The following FARS2 variants were observed in gnomAD, a reference collection of about 807,000 sequenced individuals.
The protein encoded by FARS2 is phenylalanine--tRNA ligase, mitochondrial.
In FARS2, 40 loss-of-function variants were observed where a neutral mutation model predicts 46.4. The observed-to-expected ratio is 0.86, with a 90% confidence interval of 0.67 to 1.12. FARS2 has a LOEUF of 1.12. FARS2 is among the 50% of genes most tolerant of loss of function. The pLI is 0.00. For synonymous variants in FARS2, 234 were observed against 214.9 expected, an observed-to-expected ratio of 1.09 and a Z score of -0.78; for missense variants, 513 against 567.9, an observed-to-expected ratio of 0.90 and a Z score of 0.98.
rs58875741 is a variant in FARS2, at chr6:5,717,351, A to ATGTGTGTGTGTGTGTG, written c.1218-53916_1218-53901dup. On this transcript the variant is annotated intron_variant, in intron 6 of 6. Coordinates refer to ENST00000274680, the MANE Select transcript of FARS2 (RefSeq NM_006567.5). ...CGTGGATAGAAACATAGATATGTAT[A>ATGTGTGTGTGTGTGTG]TGTGTGTGTGTGTGTGTGTGTGTGT... Among the ~76,000 whole-genome samples the ATGTGTGTGTGTGTGTG allele has an allele frequency of 2.8e-3, 398 of 141,736 alleles. 2 individuals are homozygous for ATGTGTGTGTGTGTGTG. Among genetic ancestry groups the ATGTGTGTGTGTGTGTG allele is most frequent in the Admixed American group, 6.1e-3 (86 of 14,122 alleles). 93.0% of individuals were successfully genotyped at this position (141,736 alleles called of 152,430 possible). A position where few individuals can be genotyped will look rare whatever the true frequency, so the allele number is the denominator to read the frequency against.
Position 5,480,671 on chromosome 6 carries a change from A to G in FARS2, c.904+49499A>G, listed in dbSNP as rs541939961. On this transcript the variant is annotated intron_variant, in intron 4 of 6. Coordinates refer to ENST00000274680, the MANE Select transcript of FARS2 (RefSeq NM_006567.5). ...TCTGGAGTAAGTCCTGCCCTTTGCT[A>G]TCTCCTTCTTGCCTCTCTGCCACTC... Among the ~76,000 whole-genome samples the G allele has an allele frequency of 5.3e-5, 8 of 152,272 alleles. No homozygotes were observed. The East Asian group carries it at 1.4e-3, about 26-fold the overall frequency.
intron 5 of FARS2, among the ~76,000 whole-genome samples, chr6:5,554,863 A>G (rs780515361): frequency 1.3e-4 from 20 of 152,188 alleles, no homozygotes; most frequent in Non-Finnish European, 2.6e-4. Flanking sequence ...ACTGTTGCCT[A>G]TACCAAGCTG....
chr6:5,769,661 G>A (rs1375549860), intron 6 of FARS2, among the ~76,000 whole-genome samples: 2 of 152,142 alleles, frequency 1.3e-5, no homozygotes, highest in Non-Finnish European at 2.9e-5. Flanking sequence ...TTCTCCCTTG[G>A]TCTAAAGCAG....
intron 4 of FARS2, among the ~76,000 whole-genome samples, chr6:5,470,717 T>C (rs556186587): frequency 6.6e-6 from 1 of 152,328 alleles, no homozygotes; most frequent in African/African-American, 2.4e-5. Flanking sequence ...ATCTAAGTCC[T>C]GTGTTTATTA....
chr6:5,539,357 C>T (rs542657380), intron 4 of FARS2, among the ~76,000 whole-genome samples: 1,283 of 103,034 alleles, frequency 0.012, 11 homozygotes, highest in South Asian at 0.023. Context: ...CAGGTGCCCG[C>T]CACCATGCCC....
intron 5 of FARS2, among the ~76,000 whole-genome samples, chr6:5,593,301 CA>C (rs112930027): frequency 0.092 from 13,998 of 151,656 alleles, 2,123 homozygotes; most frequent in African/African-American, 0.32. Flanking sequence ...CTCCCGCCCC[CA>C]CCGGCCTCTG....
rs1250055473 is a variant in FARS2 at position 5,266,198 on chromosome 6, C to T, written c.-22+4538C>T. ...AGGTCTAAGAAAAAACAATCATGAC[C>T]TGCGGAAGGCTTTGGCCAGAGCTGT... On this transcript the variant is annotated intron_variant, in intron 1 of 6. Transcript: ENST00000274680. Among the ~76,000 whole-genome samples the T allele has an allele frequency of 2.0e-5, 3 of 152,292 alleles. No homozygotes were observed. In the East Asian group the frequency reaches 5.8e-4, roughly 29 times the overall value.
At chr6:5,651,449 C>T (rs1282671331) in intron 6 of FARS2, among the ~76,000 whole-genome samples, 2 of 152,178 alleles carry the variant, frequency 1.3e-5, no homozygotes, top group East Asian at 3.9e-4. Flanking sequence ...GATTTATTCT[C>T]TGGAGATGAT....
At chr6:5,721,191 G>A (rs1425991094) in intron 6 of FARS2, among the ~76,000 whole-genome samples, 1 of 152,024 alleles carries the variant, frequency 6.6e-6, no homozygotes, top group African/African-American at 2.4e-5. Context: ...TTTGTGAAAA[G>A]AATGACATTG....
At chr6:5,257,570 G>A (rs1561907955), upstream of FARS2, among the ~76,000 whole-genome samples, 2 of 152,140 alleles carry the variant, frequency 1.3e-5, no homozygotes, top group Non-Finnish European at 2.9e-5. Context: ...GTTAGGAACC[G>A]GGCCACACAG....
chr6:5,552,619 C>G (rs1218132267), intron 5 of FARS2, among the ~76,000 whole-genome samples: 1 of 152,202 alleles, frequency 6.6e-6, no homozygotes, highest in Non-Finnish European at 1.5e-5. Flanking sequence ...TCCTGCATAC[C>G]TTGAAACCCA....
chr6:5,395,537 A>G (rs1358561559), intron 2 of FARS2, among the ~76,000 whole-genome samples: 1 of 152,158 alleles, frequency 6.6e-6, no homozygotes, highest in East Asian at 1.9e-4. Context: ...CTGGAGCCAC[A>G]TTTTGACCAA....
At chr6:5,696,234 T>C (rs1758097787) in intron 6 of FARS2, among the ~76,000 whole-genome samples, 1 of 152,246 alleles carries the variant, frequency 6.6e-6, no homozygotes, top group African/African-American at 2.4e-5. Context: ...TACTGCAATA[T>C]TCATTGCAAT....
chr6:5,287,709 C>G (rs1247454880), intron 1 of FARS2, among the ~76,000 whole-genome samples: 4 of 152,232 alleles, frequency 2.6e-5, no homozygotes, highest in Non-Finnish European at 5.9e-5. Context: ...TCAGAAATAG[C>G]TCTGTTTATT....
intron 2 of FARS2, among the ~76,000 whole-genome samples, chr6:5,385,839 TTCATCACA>T (rs1397015319): frequency 3.3e-5 from 5 of 152,170 alleles, no homozygotes; most frequent in Non-Finnish European, 7.3e-5. Context: ...TGAGGCTGTA[TTCATCACA>T]GTTACGGCCT....
chr6:5,405,033 G>C (rs961987469), intron 3 of FARS2, among the ~76,000 whole-genome samples: 2 of 151,932 alleles, frequency 1.3e-5, no homozygotes, highest in Non-Finnish European at 2.9e-5. Context: ...CCCTGGCCTC[G>C]TGATCCGCCC....
At chr6:5,746,387 G>T (rs568451655) in intron 6 of FARS2, among the ~76,000 whole-genome samples, 4 of 152,252 alleles carry the variant, frequency 2.6e-5, no homozygotes, top group Admixed American at 1.3e-4. Context: ...GCAGGTTTTT[G>T]TCTGCTTGCC....
chr6:5,385,671 G>A (rs1381524786), intron 2 of FARS2, among the ~76,000 whole-genome samples: 3 of 152,006 alleles, frequency 2.0e-5, no homozygotes, highest in African/African-American at 7.3e-5. Flanking sequence ...TGGTCTGTCC[G>A]CCTTGGCCTC....
At chr6:5,321,524 T>C (rs192408488) in intron 1 of FARS2, among the ~76,000 whole-genome samples, 80 of 152,318 alleles carry the variant, frequency 5.3e-4, no homozygotes, top group African/African-American at 1.9e-3. Context: ...CTCTGTGCCT[T>C]GTAGGAGACA....
Sources: gnomAD v4.1 joint callset for allele counts (sites outside exome capture counted in the v4.1 genomes callset) on GRCh38, gnomAD v4.1.1 for gene constraint, MANE v1.5 for transcripts, NCBI Gene and HGNC (gene_info 2026-07-23, HGNC 2026-07-21) for gene names.